Variants in FGF12 observed in about 807,000 individuals in gnomAD.
FGF12 encodes the protein fibroblast growth factor 12B.
A neutral mutation model predicts 23.6 loss-of-function variants in FGF12; 14 were observed. The observed-to-expected ratio is 0.59, with a 90% CI of 0.39 to 0.93. The LOEUF is 0.93. Among genes scored for constraint, FGF12 ranks in the 40% least tolerant of loss-of-function variants. The probability of loss-of-function intolerance (pLI) is 0.00; values close to 1 mark genes in which losing one functional copy is unlikely to be tolerated. For synonymous variants in FGF12, 62 were observed against 77.3 expected (o/e 0.80, Z 1.04); for missense variants, 175 against 217.8 (o/e 0.80, Z 1.24).
intron 2 of FGF12, among the ~76,000 whole-genome samples, chr3:192,715,996 C>T (rs1718853686): frequency 6.6e-6 from 1 of 152,192 alleles, no homozygotes; most frequent in Non-Finnish European, 1.5e-5. Context: ...ATCCCTGATC[C>T]CTTATTCTGA....
chr3:192,673,754 G>A (rs1240603744), intron 2 of FGF12, among the ~76,000 whole-genome samples: 1 of 151,196 alleles, frequency 6.6e-6, no homozygotes, highest in Non-Finnish European at 1.5e-5. Context: ...ATTCCATGGT[G>A]TATATGTACC....
At chr3:192,369,190 G>A (rs1464943) in intron 2 of FGF12, among the ~76,000 whole-genome samples, 10,124 of 152,276 alleles carry the variant, frequency 0.066, 370 homozygotes, top group South Asian at 0.12. Flanking sequence ...GTGTTTGTAT[G>A]CTGAAGGAAT....
chr3:192,471,128 T>C (rs1723161621), intron 2 of FGF12, among the ~76,000 whole-genome samples: 1 of 152,222 alleles, frequency 6.6e-6, no homozygotes, highest in Admixed American at 6.5e-5. Context: ...ATGTTACCAG[T>C]ACTAGGAACG....
At chr3:192,159,775 T>C (rs1307706237) in intron 5 of FGF12, among the ~76,000 whole-genome samples, 1 of 152,102 alleles carries the variant, frequency 6.6e-6, no homozygotes, top group African/African-American at 2.4e-5. Context: ...TTGCTATTGG[T>C]ATCCTGAACA....
At position 192,353,815 on chromosome 3, in the gene FGF12, T is replaced by G. The variant is rs1432174356; in HGVS notation, c.124+6613A>C. Among the ~76,000 whole-genome samples, 3 of 152,328 alleles carry G rather than the reference T, an allele frequency of 2.0e-5. No homozygotes were observed. In the East Asian group the frequency reaches 5.8e-4, roughly 29 times the overall value. On this transcript the variant is annotated intron_variant, in intron 3 of 5. Coordinates refer to ENST00000445105, the MANE Select transcript of FGF12 (RefSeq NM_004113.6). ...GAAAATAACTAGTGTTTGCTAAAATTTTCCACAAATATTATTTGGAGGCAC... is the reference window on the plus strand; with the variant it reads ...GAAAATAACTAGTGTTTGCTAAAATGTTCCACAAATATTATTTGGAGGCAC...
chr3:192,319,260 T>C (rs1716402366), intron 4 of FGF12, among the ~76,000 whole-genome samples: 1 of 152,122 alleles, frequency 6.6e-6, no homozygotes, highest in Admixed American at 6.6e-5. Context: ...TATAAACTAT[T>C]CATATCCTGA....
chr3:192,487,564 T>C (rs755824918), intron 2 of FGF12, among the ~76,000 whole-genome samples: 1 of 152,126 alleles, frequency 6.6e-6, no homozygotes, highest in Non-Finnish European at 1.5e-5. Context: ...TTACATCTAC[T>C]GTTCATGTCA....
intron 2 of FGF12, among the ~76,000 whole-genome samples, chr3:192,620,247 C>T (rs531187782): frequency 3.4e-4 from 23 of 67,086 alleles, no homozygotes; most frequent in African/African-American, 3.0e-3. Context: ...CACACGCGCG[C>T]GCGCGCGCAC....
At position 192,686,953 on chromosome 3, in the gene FGF12, C is replaced by T. The variant is rs540942281; in HGVS notation, c.13+40228G>A. Among the ~76,000 whole-genome samples, 78 of 149,622 alleles carry T rather than the reference C, an allele frequency of 5.2e-4. 1 individual carries two copies. The highest frequency in any genetic ancestry group is 9.8e-4 in the Non-Finnish European group (66 of 67,442). On this transcript the variant is annotated intron_variant, in intron 2 of 5. Coordinates refer to ENST00000445105, the MANE Select transcript of FGF12 (RefSeq NM_004113.6). ...ATGCCATTCTCCTGCCTCAGCCTCC[C>T]GAGTAGCTGGGACTACAGGCACCCG...
At chr3:192,566,652 C>T (rs1185055779) in intron 2 of FGF12, among the ~76,000 whole-genome samples, 1 of 152,162 alleles carries the variant, frequency 6.6e-6, no homozygotes, top group African/African-American at 2.4e-5. Context: ...CTTTTAATCT[C>T]TAGATTTGTC....
chr3:192,170,536 T>C lies in FGF12; in HGVS notation c.349A>G (p.Lys117Glu). 6.2e-7 allele frequency: 1 copy of C among 1,614,046 alleles called. No homozygotes were observed. Among genetic ancestry groups the C allele is most frequent in the East Asian group, 2.2e-5 (1 of 44,850 alleles). Residue 117 changes from lysine to glutamate, a missense_variant, in exon 5 of 6, where the codon AAA becomes GAA. Lys to Glu is a moderately conservative substitution (Grantham distance 56). Transcript: ENST00000445105. ...TTCCCCTTCATAATTTGACCTTCTT[T>C]ATTGAGTCCCAGAAACCAAGCTCGG... Reference protein sequence around the residue: ...SGRAWFLGLNKEGQIMKGNRV... With the variant: ...SGRAWFLGLNEEGQIMKGNRV...
chr3:192,483,287 CT>C (rs1326252317), intron 2 of FGF12, among the ~76,000 whole-genome samples: 1 of 152,128 alleles, frequency 6.6e-6, no homozygotes. Flanking sequence ...CAAATGCCCC[CT>C]CTTTCCTGGG....
At chr3:192,334,397 C>T (rs1309323952) in intron 4 of FGF12, among the ~76,000 whole-genome samples, 1 of 151,940 alleles carries the variant, frequency 6.6e-6, no homozygotes, top group Non-Finnish European at 1.5e-5. Flanking sequence ...ATGGAAACTT[C>T]CAAAATAACC....
At chr3:192,658,036 A>G (rs1384505117) in intron 2 of FGF12, among the ~76,000 whole-genome samples, 1 of 151,996 alleles carries the variant, frequency 6.6e-6, no homozygotes, top group Non-Finnish European at 1.5e-5. Flanking sequence ...CTTTATCAGC[A>G]CTTTGCAATT....
At chr3:192,692,995 T>C (rs555813849) in intron 2 of FGF12, among the ~76,000 whole-genome samples, 13 of 151,138 alleles carry the variant, frequency 8.6e-5, no homozygotes, top group African/African-American at 3.1e-4. Flanking sequence ...AAATAAAAGG[T>C]ATCCAAATAT....
At chr3:192,271,727 A>G (rs763398994) in intron 4 of FGF12, among the ~76,000 whole-genome samples, 51 of 152,162 alleles carry the variant, frequency 3.4e-4, no homozygotes, top group Non-Finnish European at 5.7e-4. Flanking sequence ...GTCCACTCTC[A>G]TGTATCACAT....
chr3:192,184,475 C>A (rs539859702), intron 4 of FGF12, among the ~76,000 whole-genome samples: 19 of 152,192 alleles, frequency 1.2e-4, no homozygotes, highest in African/African-American at 4.6e-4. Flanking sequence ...CAGGATAAAA[C>A]CAGAGTAAGC....
chr3:192,182,839 TGAC>T (rs1716253196), intron 4 of FGF12, among the ~76,000 whole-genome samples: 1 of 152,230 alleles, frequency 6.6e-6, no homozygotes, highest in East Asian at 1.9e-4. Context: ...CAGAAGATGA[TGAC>T]ATTTCACCTG....
intron 2 of FGF12, among the ~76,000 whole-genome samples, chr3:192,588,349 C>CAAAAAAAAAAAAAAAAA (rs1201739223): frequency 1.5e-5 from 1 of 66,984 alleles, no homozygotes; most frequent in Admixed American, 1.9e-4. Context: ...CAATCCGTCT[C>CAAAAAAAAAAAAAAAAA]AAAAAAAAAA....
Sources: allele counts gnomAD v4.1 joint callset (sites outside exome capture counted in the v4.1 genomes callset), GRCh38; gene constraint gnomAD v4.1.1; transcripts MANE v1.5; gene names NCBI Gene and HGNC (gene_info 2026-07-23, HGNC 2026-07-21).